The following KLHL1 variants were observed in gnomAD, a reference collection of about 807,000 sequenced individuals.
KLHL1 encodes kelch like family member 1.
KLHL1 carries 47 observed loss-of-function variants against 77.7 expected under a neutral mutation model. The ratio of observed to expected loss-of-function variants is 0.60; its 90% CI spans 0.48 to 0.77. The LOEUF is 0.77. Ranked by LOEUF, KLHL1 falls within the 30% of genes least tolerant of loss-of-function variation. The pLI is 0.00. For missense variants in KLHL1, 925 were observed against 910.8 expected, an observed-to-expected ratio of 1.02 and a Z score of -0.20; for synonymous variants, 360 against 325.2, an observed-to-expected ratio of 1.11 and a Z score of -1.15.
intron 3 of KLHL1, among the ~76,000 whole-genome samples, chr13:69,952,512 A>C (rs1050560449): frequency 4.6e-5 from 7 of 151,362 alleles, no homozygotes; most frequent in African/African-American, 1.5e-4. Flanking sequence ...TGTAAGTGCC[A>C]TTTGGCTAGG....
intron 1 of KLHL1, among the ~76,000 whole-genome samples, chr13:70,068,123 C>T (rs1240494611): frequency 3.3e-5 from 5 of 151,374 alleles, no homozygotes; most frequent in South Asian, 2.1e-4. Flanking sequence ...GGGCGGATCA[C>T]GAGGTCAGGA....
intron 5 of KLHL1, among the ~76,000 whole-genome samples, chr13:69,869,509 G>C (rs1027144100): frequency 1.3e-5 from 2 of 152,026 alleles, no homozygotes; most frequent in African/African-American, 4.8e-5. Context: ...CAATAGCAGT[G>C]TAGTTTTACT....
chr13:69,728,845 A>C (rs1048329950), intron 8 of KLHL1, among the ~76,000 whole-genome samples: 2 of 151,892 alleles, frequency 1.3e-5, no homozygotes, highest in African/African-American at 4.8e-5. Context: ...TGAATGAATG[A>C]ATGAATGAAT....
chr13:69,761,504 C>T (rs1875018835), intron 7 of KLHL1, among the ~76,000 whole-genome samples: 1 of 152,052 alleles, frequency 6.6e-6, no homozygotes, highest in African/African-American at 2.4e-5. Flanking sequence ...TGTAAGGAGG[C>T]AGATTTGGGA....
At chr13:69,837,503 C>T (rs895939230) in intron 6 of KLHL1, among the ~76,000 whole-genome samples, 22 of 150,564 alleles carry the variant, frequency 1.5e-4, no homozygotes, top group African/African-American at 4.6e-4. Context: ...AGGTACCTAG[C>T]TATATAATGT....
chr13:69,728,931 A>C (rs1873421287), intron 8 of KLHL1, among the ~76,000 whole-genome samples: 2 of 152,264 alleles, frequency 1.3e-5, no homozygotes, highest in South Asian at 4.1e-4. Context: ...GTGGTACTAC[A>C]TATTTATTAA....
intron 7 of KLHL1, among the ~76,000 whole-genome samples, chr13:69,764,767 G>T (rs947575490): frequency 5.3e-5 from 8 of 151,908 alleles, no homozygotes; most frequent in African/African-American, 1.9e-4. Context: ...TGAATTTTAA[G>T]AAGATTCCAA....
chr13:69,764,963 T>TTTTTTTTTTTTTTTTTTG, intron 7 of KLHL1, among the ~76,000 whole-genome samples: 1 of 86,262 alleles, frequency 1.2e-5, no homozygotes, highest in African/African-American at 4.8e-5. Flanking sequence ...TTTTTTTTTT[T>TTTTTTTTTTTTTTTTTTG]TTTTTTGAGA....
At chr13:70,084,769 C>T (rs923083336) in intron 1 of KLHL1, among the ~76,000 whole-genome samples, 3 of 151,308 alleles carry the variant, frequency 2.0e-5, no homozygotes, top group Middle Eastern at 3.4e-3. Flanking sequence ...GCCACTGCGC[C>T]GGGCCGTCTA....
In KLHL1 at chr13:70,022,272, CGTGTGTGTTT is replaced by C. The variant is rs1264149691; in HGVS notation, c.498-46480_498-46471del. 1.7e-4 allele frequency among the ~76,000 whole-genome samples: 9 copies of C among 54,166 alleles called. 1 individual carries two copies. The South Asian group carries it at 1.8e-3, about 11-fold the overall frequency. The allele number at this position is 54,166 out of a possible 152,430, so 35.5% of individuals were successfully genotyped here. ...TCTTTTTTCAAAGGTAAGTTGATTA[CGTGTGTGTTT>C]GTGTGTGTGTGTGTGTGTGTGTATG... On this transcript the variant is annotated intron_variant, in intron 1 of 10. Coordinates refer to ENST00000377844, the MANE Select transcript of KLHL1 (RefSeq NM_020866.3).
intron 1 of KLHL1, among the ~76,000 whole-genome samples, chr13:70,098,787 A>G (rs1887852222): frequency 2.0e-5 from 3 of 151,788 alleles, no homozygotes; most frequent in African/African-American, 7.2e-5. Context: ...ATGTTCCTAT[A>G]TACCTGCTGT....
intron 7 of KLHL1, among the ~76,000 whole-genome samples, chr13:69,787,814 A>AAAAC (rs559785030): frequency 6.6e-6 from 1 of 152,178 alleles, no homozygotes; most frequent in African/African-American, 2.4e-5. Context: ...TTACAAGAAA[A>AAAAC]AAACAAACAA....
intron 10 of KLHL1, among the ~76,000 whole-genome samples, chr13:69,706,898 A>T (rs1380594365): frequency 6.6e-6 from 1 of 151,834 alleles, no homozygotes; most frequent in Admixed American, 6.6e-5. Flanking sequence ...ACCAACACAC[A>T]TCCTCTAGTT....
chr13:70,043,996 T>C (rs908228994), intron 1 of KLHL1, among the ~76,000 whole-genome samples: 1 of 152,234 alleles, frequency 6.6e-6, no homozygotes, highest in Non-Finnish European at 1.5e-5. Context: ...TTTTGTTCCA[T>C]AGCAGTAGAA....
chr13:69,708,700 T>A (rs1199639123), intron 9 of KLHL1, among the ~76,000 whole-genome samples: 2 of 151,996 alleles, frequency 1.3e-5, no homozygotes, highest in East Asian at 1.9e-4. Context: ...CCCTGAAGAC[T>A]CCTTTAATGA....
At chr13:69,976,316 T>G (rs1460924646) in intron 1 of KLHL1, among the ~76,000 whole-genome samples, 2 of 152,006 alleles carry the variant, frequency 1.3e-5, no homozygotes, top group Non-Finnish European at 2.9e-5. Context: ...TGTAAGTAAA[T>G]TATTGACTTT....
At chr13:69,710,981 A>C (rs1875848889) in intron 9 of KLHL1, among the ~76,000 whole-genome samples, 1 of 152,046 alleles carries the variant, frequency 6.6e-6, no homozygotes, top group Admixed American at 6.6e-5. Context: ...ATAGCGGTTA[A>C]AATTAGCTAC....
chr13:69,718,975 C>A (rs1272541506), intron 9 of KLHL1, among the ~76,000 whole-genome samples: 3 of 152,006 alleles, frequency 2.0e-5, no homozygotes, highest in Non-Finnish European at 2.9e-5. Flanking sequence ...AACACAGAAG[C>A]AAAATATCCA....
Position 69,988,904 on chromosome 13 carries a change from T to A in KLHL1, c.498-13102A>T, listed in dbSNP as rs866604355. 2.6e-5 allele frequency among the ~76,000 whole-genome samples: 4 copies of A among 152,080 alleles called. No homozygotes were observed. In the South Asian group the frequency reaches 6.2e-4, roughly 24 times the overall value. On this transcript the variant is annotated intron_variant, in intron 1 of 10. Coordinates refer to ENST00000377844, the MANE Select transcript of KLHL1 (RefSeq NM_020866.3). ...TATAATTTGCAAATATTTTCTCCAA[T>A]TCTGTAGGTTGTCTGTTTGTTCTGT...
Sources: gnomAD v4.1 joint callset for allele counts (sites outside exome capture counted in the v4.1 genomes callset) on GRCh38, gnomAD v4.1.1 for gene constraint, MANE v1.5 for transcripts, NCBI Gene and HGNC (gene_info 2026-07-23, HGNC 2026-07-21) for gene names.